The following KAZN variants were observed in gnomAD, a reference collection of about 807,000 sequenced individuals.
KAZN encodes the protein kazrin.
KAZN carries 40 observed loss-of-function variants against 87.4 expected under a neutral mutation model. The ratio of observed to expected loss-of-function variants is 0.46; its 90% CI spans 0.36 to 0.60. The LOEUF (loss-of-function observed/expected upper bound fraction) is 0.60, where lower values mean the gene tolerates loss of function less well. KAZN is among the 20% of genes least tolerant of loss of function. The pLI is 0.00. For missense variants in KAZN, 898 were observed against 1,073.9 expected (o/e 0.84, Z 2.29); for synonymous variants, 466 against 458.3 (o/e 1.02, Z -0.22).
chr1:14,589,102 C>T (rs1050371157), intron 2 of KAZN, among the ~76,000 whole-genome samples: 1 of 152,090 alleles, frequency 6.6e-6, no homozygotes, highest in African/African-American at 2.4e-5. Flanking sequence ...TTGTTTCTTT[C>T]TCAAAAGGAA....
chr1:13,894,125 C>T (rs896060410), intron 1 of KAZN, among the ~76,000 whole-genome samples: 9 of 152,094 alleles, frequency 5.9e-5, no homozygotes, highest in Non-Finnish European at 1.2e-4. Flanking sequence ...CAGTCGTAGC[C>T]TGGTTGCCTT....
intron 1 of KAZN, among the ~76,000 whole-genome samples, chr1:14,807,772 T>TA (rs1206820109): frequency 5.6e-4 from 83 of 149,374 alleles, no homozygotes; most frequent in East Asian, 1.8e-3. Context: ...CTGCCTCAAT[T>TA]AAAAAAAAAA....
intron 2 of KAZN, among the ~76,000 whole-genome samples, chr1:14,303,237 C>T (rs1484382189): frequency 3.3e-5 from 5 of 152,082 alleles, no homozygotes; most frequent in Non-Finnish European, 2.9e-5. Context: ...GAGCCCAAGC[C>T]TTGACCCATG....
At chr1:15,063,474 C>T in intron 6 of KAZN, 98 bp from the exon 7 acceptor site, 1 of 1,013,052 alleles carries the variant, frequency 9.9e-7, no homozygotes, top group South Asian at 1.3e-5. Context: ...TGAGAGATGG[C>T]ATCCTTCCAC....
In KAZN at chr1:14,870,666, C is replaced by T. The variant is rs75961427; in HGVS notation, c.227-90018C>T. Among the ~76,000 whole-genome samples, 122 of 152,254 alleles carry T rather than the reference C, an allele frequency of 8.0e-4. 1 individual carries two copies. In the East Asian group the frequency reaches 0.019, roughly 24 times the overall value. On this transcript the variant is annotated intron_variant, in intron 1 of 14. Transcript: ENST00000376030. ...TTCCTCATCTGTTAAATGGGGTTCA[C>T]GACCGTGACTCCCTCATGAGCTGCT...
chr1:15,014,093 G>A (rs1248976667), intron 2 of KAZN, among the ~76,000 whole-genome samples: 1 of 152,124 alleles, frequency 6.6e-6, no homozygotes, highest in Non-Finnish European at 1.5e-5. Flanking sequence ...AACCGAGTTT[G>A]CTCTCTGGTC....
chr1:14,843,528 C>A (rs575928337), intron 1 of KAZN, among the ~76,000 whole-genome samples: 1 of 152,166 alleles, frequency 6.6e-6, no homozygotes, highest in African/African-American at 2.4e-5. Context: ...ACCTTTCTGC[C>A]GTGCCCTGAT....
intron 1 of KAZN, among the ~76,000 whole-genome samples, chr1:14,632,569 CTT>C (rs36056434): frequency 3.4e-4 from 45 of 131,078 alleles, no homozygotes; most frequent in Admixed American, 5.4e-4. Flanking sequence ...TTCTTTTGGG[CTT>C]TTTTTTTTTT....
chr1:14,945,899 G>A (rs1661715455), intron 1 of KAZN: 3 of 985,360 alleles, frequency 3.0e-6, no homozygotes, highest in Non-Finnish European at 3.6e-6. Flanking sequence ...CCTCCATGGA[G>A]TCAGGCATGC....
At chr1:14,384,046 G>T (rs184415788) in intron 2 of KAZN, among the ~76,000 whole-genome samples, 1 of 151,900 alleles carries the variant, frequency 6.6e-6, no homozygotes, top group African/African-American at 2.4e-5. Context: ...TTGTAAGTTG[G>T]ATTCCTAGGT....
At chr1:14,471,351 A>C (rs1419263902) in intron 2 of KAZN, among the ~76,000 whole-genome samples, 1 of 152,204 alleles carries the variant, frequency 6.6e-6, no homozygotes, top group Non-Finnish European at 1.5e-5. Flanking sequence ...TAAAAGGTAA[A>C]ATTACATGTC....
intron 1 of KAZN, among the ~76,000 whole-genome samples, chr1:14,714,508 G>A (rs947964056): frequency 3.3e-5 from 5 of 152,176 alleles, no homozygotes; most frequent in African/African-American, 1.2e-4. Context: ...GGAAGTCCAC[G>A]TGGGGGCCCT....
At chr1:14,755,259 A>G (rs1187515382) in intron 1 of KAZN, among the ~76,000 whole-genome samples, 1 of 152,038 alleles carries the variant, frequency 6.6e-6, no homozygotes, top group Admixed American at 6.6e-5. Context: ...TCTCAAAAAC[A>G]AATGAACAAA....
At position 14,901,003 on chromosome 1, in the gene KAZN, C is replaced by G. The variant is rs1655820453; in HGVS notation, c.227-59681C>G. ...GCATTTACTCTGTGCCAGGCACTGT[C>G]CCAATGGCCATCATACAGCGGTAAC... is the stretch of plus-strand genomic sequence containing the variant. On this transcript the variant is annotated intron_variant, in intron 1 of 14. Coordinates refer to ENST00000376030, the MANE Select transcript of KAZN (RefSeq NM_201628.3). Among the ~76,000 whole-genome samples, 4 of 152,182 alleles carry G rather than the reference C, an allele frequency of 2.6e-5. No homozygotes were observed. The South Asian group carries it at 6.2e-4, about 24-fold the overall frequency.
chr1:14,471,499 T>A (rs1385420379), intron 2 of KAZN, among the ~76,000 whole-genome samples: 1 of 152,138 alleles, frequency 6.6e-6, no homozygotes, highest in East Asian at 1.9e-4. Flanking sequence ...AGCTATTGGC[T>A]TTTGCTTCCA....
intron 2 of KAZN, among the ~76,000 whole-genome samples, chr1:14,581,984 T>A (rs1340181600): frequency 6.6e-6 from 1 of 152,174 alleles, no homozygotes; most frequent in African/African-American, 2.4e-5. Context: ...TAGGCATGTC[T>A]ACCTCGTACC....
At chr1:14,412,762 T>G (rs1013009440) in intron 2 of KAZN, among the ~76,000 whole-genome samples, 1 of 151,586 alleles carries the variant, frequency 6.6e-6, no homozygotes, top group Non-Finnish European at 1.5e-5. Context: ...TAAAATAATT[T>G]TTCATGGAAG....
At chr1:14,444,784 T>C (rs1666887921) in intron 2 of KAZN, among the ~76,000 whole-genome samples, 1 of 152,156 alleles carries the variant, frequency 6.6e-6, no homozygotes, top group Non-Finnish European at 1.5e-5. Context: ...ATGTCTCACC[T>C]TTAAATAAGA....
At chr1:14,218,003 CTTTTTCTGAGGAA>C (rs940308844) in intron 2 of KAZN, among the ~76,000 whole-genome samples, 3 of 152,076 alleles carry the variant, frequency 2.0e-5, no homozygotes, top group African/African-American at 7.2e-5. Flanking sequence ...TTCCCATGAG[CTTTTTCTGAGGAA>C]TTTAGTGAGA....
Sources: allele counts gnomAD v4.1 joint callset (sites outside exome capture counted in the v4.1 genomes callset), GRCh38; gene constraint gnomAD v4.1.1; transcripts MANE v1.5; gene names NCBI Gene and HGNC (gene_info 2026-07-23, HGNC 2026-07-21).